The following LTBP1 variants were observed in gnomAD, a reference collection of about 807,000 sequenced individuals.
LTBP1 encodes the protein latent-transforming growth factor beta-binding protein 1.
Under a neutral mutation model 207.6 loss-of-function variants are expected in LTBP1, and 129 were observed. That is an observed-to-expected ratio of 0.62 (90% confidence interval 0.54 to 0.72). The LOEUF is 0.72. Ranked by LOEUF, LTBP1 falls within the 30% of genes least tolerant of loss-of-function variation. LTBP1 has a pLI of 0.00. For synonymous variants in LTBP1, 963 were observed against 833.7 expected, an observed-to-expected ratio of 1.16 and a Z score of -2.67; for missense variants, 2,281 against 2,217.2, an observed-to-expected ratio of 1.03 and a Z score of -0.58.
At chr2:33,170,309 C>A (rs533840587) in intron 5 of LTBP1, among the ~76,000 whole-genome samples, 9 of 152,284 alleles carry the variant, frequency 5.9e-5, no homozygotes, top group Non-Finnish European at 1.2e-4. Flanking sequence ...CCTAATACTG[C>A]GCTTTTCCGA....
At chr2:33,183,091 C>T (rs1235863013) in intron 5 of LTBP1, among the ~76,000 whole-genome samples, 2 of 152,034 alleles carry the variant, frequency 1.3e-5, no homozygotes, top group South Asian at 2.1e-4. Context: ...TGTGTACTGT[C>T]GTACTCCTTT....
intron 28 of LTBP1, among the ~76,000 whole-genome samples, chr2:33,361,927 A>G (rs1433475272): frequency 6.6e-6 from 1 of 152,190 alleles, no homozygotes; most frequent in Non-Finnish European, 1.5e-5. Context: ...ATGGTCATCA[A>G]CAAAGCTAAG....
intron 10 of LTBP1, among the ~76,000 whole-genome samples, chr2:33,250,641 TCA>T (rs1393304709): frequency 2.0e-5 from 3 of 152,160 alleles, no homozygotes; most frequent in African/African-American, 7.2e-5. Flanking sequence ...CCTTCGGCCC[TCA>T]CAGACTCTGA....
At chr2:32,962,394 A>G (rs1247512992) in intron 2 of LTBP1, among the ~76,000 whole-genome samples, 5 of 152,244 alleles carry the variant, frequency 3.3e-5, no homozygotes, top group African/African-American at 9.6e-5. Flanking sequence ...TGAAGGTGAA[A>G]TAATACAGAC....
rs188912977 is a variant in LTBP1, at chr2:33,248,089, C to G, written c.1999+4305C>G. Among the ~76,000 whole-genome samples, 33 of 152,348 alleles carry G rather than the reference C, an allele frequency of 2.2e-4. No homozygotes were observed. In the East Asian group the frequency reaches 6.2e-3, roughly 28 times the overall value. ...TCTGTGGCCATCTCAGGTTAGGCCC[C>G]TAGCCTCCCTCACTTGGAGGTCTCA... is the stretch of plus-strand genomic sequence containing the variant. On this transcript the variant is annotated intron_variant, in intron 10 of 33. Transcript: ENST00000404816.
intron 24 of LTBP1, among the ~76,000 whole-genome samples, chr2:33,320,043 G>C (rs1431290697): frequency 6.6e-6 from 1 of 152,164 alleles, no homozygotes; most frequent in Non-Finnish European, 1.5e-5. Context: ...TTACTTAGAG[G>C]CAATAACTAA....
intron 3 of LTBP1, among the ~76,000 whole-genome samples, chr2:33,102,752 C>G (rs1462408820): frequency 6.6e-6 from 1 of 152,204 alleles, no homozygotes; most frequent in African/African-American, 2.4e-5. Context: ...TTTGTATGCA[C>G]TGTCCGTATG....
At chr2:33,120,170 A>T (rs1056974713) in intron 4 of LTBP1, among the ~76,000 whole-genome samples, 1 of 152,172 alleles carries the variant, frequency 6.6e-6, no homozygotes, top group African/African-American at 2.4e-5. Flanking sequence ...ACATATATTC[A>T]ATCAAGTATA....
intron 11 of LTBP1, among the ~76,000 whole-genome samples, 194 bp from the exon 12 acceptor site, chr2:33,257,090 G>C (rs2092883809): frequency 6.6e-6 from 1 of 151,360 alleles, no homozygotes; most frequent in Admixed American, 6.6e-5. Flanking sequence ...AAAAAAAGTT[G>C]GATTTTTTTC....
At chr2:32,981,809 C>T (rs1381564288) in intron 2 of LTBP1, among the ~76,000 whole-genome samples, 2 of 152,210 alleles carry the variant, frequency 1.3e-5, no homozygotes, top group Admixed American at 1.3e-4. Context: ...TTCCTCTGCA[C>T]ATGCTTTCAT....
At chr2:33,060,874 C>T (rs2149624603) in intron 3 of LTBP1, among the ~76,000 whole-genome samples, 1 of 152,108 alleles carries the variant, frequency 6.6e-6, no homozygotes, top group South Asian at 2.1e-4. Context: ...GCAGCCTTTT[C>T]AAAAATTAAA....
intron 9 of LTBP1, among the ~76,000 whole-genome samples, chr2:33,231,444 T>A (rs2149561720): frequency 6.6e-6 from 1 of 152,340 alleles, no homozygotes; most frequent in Admixed American, 6.5e-5. Context: ...TCAGGGGGCA[T>A]ATCTGTTATT....
At chr2:33,038,836 C>CT (rs202047764) in intron 3 of LTBP1, among the ~76,000 whole-genome samples, 348 of 151,632 alleles carry the variant, frequency 2.3e-3, no homozygotes, top group Admixed American at 8.4e-3. Flanking sequence ...AGGAAAATGT[C>CT]TTTTTTTTTG....
At chr2:33,255,790 A>G (rs759074185) in intron 11 of LTBP1, among the ~76,000 whole-genome samples, 1 of 152,196 alleles carries the variant, frequency 6.6e-6, no homozygotes, top group African/African-American at 2.4e-5. Context: ...TTTCTTGAGA[A>G]CTAATTTTAG....
At chr2:33,257,653 GC>G (rs35328302) in intron 12 of LTBP1, 142 bp downstream of exon 12, 148,729 of 661,774 alleles carry the variant, frequency 0.22, 18,737 homozygotes, top group Non-Finnish European at 0.25. Flanking sequence ...TTGATTGGGG[GC>G]TGCCCTGTGT....
intron 19 of LTBP1, among the ~76,000 whole-genome samples, chr2:33,284,886 A>G (rs1479077630): frequency 6.6e-6 from 1 of 152,124 alleles, no homozygotes; most frequent in African/African-American, 2.4e-5. Context: ...AATATGAAGC[A>G]CCTAGTAGGC....
intron 4 of LTBP1, among the ~76,000 whole-genome samples, chr2:33,119,165 G>C (rs868508467): frequency 7.9e-5 from 7 of 88,432 alleles, no homozygotes; most frequent in Non-Finnish European, 1.5e-4. Context: ...GAGTCAGACT[G>C]ATTTTTTTTT....
chr2:33,330,519 G>GA (rs2149469672), intron 24 of LTBP1, among the ~76,000 whole-genome samples: 1 of 151,362 alleles, frequency 6.6e-6, no homozygotes, highest in African/African-American at 2.4e-5. Context: ...ATCAGATAAA[G>GA]AAGTTCCCTT....
intron 31 of LTBP1, among the ~76,000 whole-genome samples, chr2:33,377,374 A>G (rs2095153780): frequency 1.3e-5 from 2 of 152,226 alleles, no homozygotes; most frequent in Admixed American, 1.3e-4. Flanking sequence ...AGAACAGTTC[A>G]AGGCGAGAGA....
Sources: gnomAD v4.1 joint callset for allele counts (sites outside exome capture counted in the v4.1 genomes callset) on GRCh38, gnomAD v4.1.1 for gene constraint, MANE v1.5 for transcripts, NCBI Gene and HGNC (gene_info 2026-07-23, HGNC 2026-07-21) for gene names.